The following TSPAN5 variants were observed in gnomAD, a reference collection of about 807,000 sequenced individuals.
TSPAN5 encodes tetraspanin-5.
TSPAN5 carries 10 observed loss-of-function variants against 37.1 expected under a neutral mutation model. The ratio of observed to expected loss-of-function variants is 0.27; its 90% CI spans 0.17 to 0.46. TSPAN5 has a LOEUF of 0.46. TSPAN5 is among the 20% of genes least tolerant of loss of function. The pLI, the probability that TSPAN5 is intolerant of heterozygous loss-of-function variation, is 1.00. For missense variants in TSPAN5, 195 were observed against 326.6 expected (o/e 0.60, Z 3.11); for synonymous variants, 110 against 118.9 (o/e 0.93, Z 0.48).
chr4:98,596,621 G>A (rs1320214640), intron 1 of TSPAN5, among the ~76,000 whole-genome samples: 1 of 80,812 alleles, frequency 1.2e-5, no homozygotes, highest in Non-Finnish European at 2.2e-5. Flanking sequence ...AGCTCTTTTA[G>A]GGCAGGCCTG....
chr4:98,530,366 A>G (rs896808186), intron 1 of TSPAN5, among the ~76,000 whole-genome samples: 2 of 152,216 alleles, frequency 1.3e-5, no homozygotes, highest in African/African-American at 4.8e-5. Flanking sequence ...CTGTCATCAC[A>G]CTGTGAAGGA....
chr4:98,568,403 G>A lies in TSPAN5; in HGVS notation c.82-60675C>T, dbSNP rs548784478. On this transcript the variant is annotated intron_variant, in intron 1 of 7. Coordinates refer to ENST00000305798, the MANE Select transcript of TSPAN5 (RefSeq NM_005723.4). The stretch of plus-strand genomic sequence containing the variant: ...TAAAAGTACAAAAAATTAGCTGGGC[G>A]TGGTGGCACGTGCCTGTAGTCCCAG... Among the ~76,000 whole-genome samples, 359 of 152,198 alleles carry A rather than the reference G, an allele frequency of 2.4e-3. 3 individuals carry two copies. The highest frequency in any genetic ancestry group is 2.5e-3 in the Non-Finnish European group (173 of 67,996).
At chr4:98,587,820 C>T (rs961981105) in intron 1 of TSPAN5, among the ~76,000 whole-genome samples, 2 of 152,028 alleles carry the variant, frequency 1.3e-5, no homozygotes, top group Non-Finnish European at 1.5e-5. Context: ...ACTGAGGAGG[C>T]GAAGGCAGCA....
chr4:98,592,538 A>C, intron 1 of TSPAN5, among the ~76,000 whole-genome samples: 1 of 145,830 alleles, frequency 6.9e-6, no homozygotes, highest in Non-Finnish European at 1.5e-5. Flanking sequence ...TGCACCCACT[A>C]ATGTGTCGTC....
At chr4:98,652,068 C>A (rs902155596) in intron 1 of TSPAN5, among the ~76,000 whole-genome samples, 3 of 151,828 alleles carry the variant, frequency 2.0e-5, no homozygotes, top group Admixed American at 2.0e-4. Flanking sequence ...CTATGTTACC[C>A]AGGCTGGTCT....
Position 98,592,650 on chromosome 4 carries a change from T to C in TSPAN5, c.81+65496A>G, listed in dbSNP as rs1323856761. On this transcript the variant is annotated intron_variant, in intron 1 of 7. Transcript: ENST00000305798. ...CCCTTCCTGTGTCCATGTGATCTCA[T>C]TGTTCAATTCCCACCTATGAGTGAG... Among the ~76,000 whole-genome samples, 22 of 138,096 alleles carry C rather than the reference T, an allele frequency of 1.6e-4. 2 individuals carry two copies. In the East Asian group the frequency reaches 3.7e-3, roughly 23 times the overall value. The allele number at this position is 138,096 out of a possible 152,430, so 90.6% of individuals were successfully genotyped here.
In TSPAN5 at chr4:98,476,432, T is replaced by C; in HGVS notation, c.605A>G (p.Tyr202Cys). Reference protein sequence around the residue: ...AEDVINTQCGYDARQKPEVDQ... With the variant: ...AEDVINTQCGCDARQKPEVDQ... ...ACTTACTGGTTTTTGCCTGGCATCA[T>C]AGCCACACTGAGTGTTGATGACATC... is the stretch of plus-strand genomic sequence containing the variant. The change falls in exon 6 of 8, where the codon TAT (tyrosine) becomes TGT (cysteine). Residue 202 changes from tyrosine to cysteine, a missense_variant. Physicochemically the swap from Tyr to Cys is radical, Grantham distance 194 (BLOSUM62 -2). Coordinates refer to ENST00000305798, the MANE Select transcript of TSPAN5 (RefSeq NM_005723.4). 4.3e-6 allele frequency: 7 copies of C among 1,614,214 alleles called. No homozygotes were observed. Among genetic ancestry groups the C allele is most frequent in the East Asian group, 2.2e-5 (1 of 44,886 alleles).
chr4:98,548,791 T>A (rs1408552548), intron 1 of TSPAN5, among the ~76,000 whole-genome samples: 1 of 152,190 alleles, frequency 6.6e-6, no homozygotes, highest in East Asian at 1.9e-4. Context: ...TTTCTGTTTC[T>A]GAGTTATTTT....
At chr4:98,607,605 A>G (rs1389081882) in intron 1 of TSPAN5, among the ~76,000 whole-genome samples, 1 of 151,522 alleles carries the variant, frequency 6.6e-6, no homozygotes, top group East Asian at 1.9e-4. Context: ...TATCAGTCCT[A>G]TTGCCTACAT....
chr4:98,657,548 C>T, intron 1 of TSPAN5: 1 of 158,300 alleles, frequency 6.3e-6, no homozygotes, highest in Non-Finnish European at 1.4e-5. Context: ...ACAGGGAGCG[C>T]TTTCCAGCTG....
chr4:98,545,196 A>G (rs1754442991), intron 1 of TSPAN5, among the ~76,000 whole-genome samples: 1 of 152,244 alleles, frequency 6.6e-6, no homozygotes, highest in African/African-American at 2.4e-5. Flanking sequence ...AACCTAGAGC[A>G]GCTGGTGGCT....
chr4:98,503,177 G>A (rs1220854179), intron 2 of TSPAN5, among the ~76,000 whole-genome samples: 2 of 152,002 alleles, frequency 1.3e-5, no homozygotes, highest in Admixed American at 1.3e-4. Context: ...GAGGTGGATG[G>A]GGTAACCAGT....
chr4:98,584,783 G>A (rs1219807737), intron 1 of TSPAN5, among the ~76,000 whole-genome samples: 2 of 152,156 alleles, frequency 1.3e-5, no homozygotes, highest in African/African-American at 2.4e-5. Context: ...ATGGTAAAAG[G>A]AACTTCAGAA....
intron 1 of TSPAN5, among the ~76,000 whole-genome samples, chr4:98,531,533 T>C (rs939062119): frequency 2.6e-5 from 4 of 152,208 alleles, no homozygotes; most frequent in Non-Finnish European, 5.9e-5. Flanking sequence ...TAAACATACA[T>C]ACATGTGTCT....
At chr4:98,562,285 G>A (rs1754897142) in intron 1 of TSPAN5, among the ~76,000 whole-genome samples, 1 of 152,212 alleles carries the variant, frequency 6.6e-6, no homozygotes, top group South Asian at 2.1e-4. Flanking sequence ...GGAAAAGCAG[G>A]TAGTAGATGA....
At chr4:98,519,272 C>A (rs1367738666) in intron 1 of TSPAN5, among the ~76,000 whole-genome samples, 1 of 152,092 alleles carries the variant, frequency 6.6e-6, no homozygotes, top group Non-Finnish European at 1.5e-5. Flanking sequence ...GGGAGGATTG[C>A]TTGAGTCCAG....
intron 1 of TSPAN5, among the ~76,000 whole-genome samples, chr4:98,634,805 G>A (rs1579046061): frequency 8.3e-6 from 1 of 120,654 alleles, no homozygotes; most frequent in Non-Finnish European, 1.9e-5. Context: ...GGAGAATGAG[G>A]AGAAGATAAT....
chr4:98,521,556 T>C (rs187779308), intron 1 of TSPAN5, among the ~76,000 whole-genome samples: 4 of 152,330 alleles, frequency 2.6e-5, no homozygotes, highest in South Asian at 2.1e-4. Context: ...CTGCCAGGAT[T>C]TGTGACACTG....
At chr4:98,555,626 A>T (rs533872017) in intron 1 of TSPAN5, among the ~76,000 whole-genome samples, 1 of 152,254 alleles carries the variant, frequency 6.6e-6, no homozygotes, top group South Asian at 2.1e-4. Flanking sequence ...AGAAGGTATT[A>T]AAAAAAATTG....
Sources: gnomAD v4.1 joint callset for allele counts (sites outside exome capture counted in the v4.1 genomes callset) on GRCh38, gnomAD v4.1.1 for gene constraint, MANE v1.5 for transcripts, NCBI Gene and HGNC (gene_info 2026-07-23, HGNC 2026-07-21) for gene names.